Variants in GNL3L observed in about 807,000 individuals in gnomAD.
GNL3L encodes guanine nucleotide-binding protein-like 3-like protein.
Under a neutral mutation model 42.9 loss-of-function variants are expected in GNL3L, and 4 were observed. The observed-to-expected ratio is 0.09, with a 90% CI of 0.05 to 0.21. The LOEUF (loss-of-function observed/expected upper bound fraction) is 0.21, where lower values mean the gene tolerates loss of function less well. Among genes scored for constraint, GNL3L ranks in the 10% least tolerant of loss-of-function variants. GNL3L has a pLI of 1.00. For synonymous variants in GNL3L, 159 were observed against 176.3 expected (o/e 0.90, Z 0.78); for missense variants, 412 against 481.7 (o/e 0.86, Z 1.36).
chrX:54,573,824 A>G (rs1925595152), intron 16 of GNL3L, among the ~76,000 whole-genome samples: 1 of 105,741 alleles, frequency 9.5e-6, no homozygotes, highest in Non-Finnish European at 1.9e-5. Context: ...AGCTTTGTTG[A>G]TTATTCTCAT....
At chrX:54,580,709 G>A (rs1278346288) in intron 16 of GNL3L, among the ~76,000 whole-genome samples, 2 of 112,070 alleles carry the variant, frequency 1.8e-5, no homozygotes, top group East Asian at 2.8e-4. Context: ...GTGTGAGATG[G>A]TATCTCATTG....
downstream of GNL3L, among the ~76,000 whole-genome samples, chrX:54,571,703 T>G (rs1297008763): frequency 9.1e-6 from 1 of 110,481 alleles, no homozygotes; most frequent in African/African-American, 3.3e-5. Context: ...TTATCACTTT[T>G]GAGCAATGTA....
At chrX:54,556,385 G>C (rs1925096481) in intron 14 of GNL3L, among the ~76,000 whole-genome samples, 1 of 110,517 alleles carries the variant, frequency 9.0e-6, no homozygotes, top group South Asian at 3.9e-4. Flanking sequence ...AAGAGCATGG[G>C]GGAGACCACC....
At chrX:54,533,072 A>G (rs1924306244) in intron 2 of GNL3L, among the ~76,000 whole-genome samples, 2 of 112,048 alleles carry the variant, frequency 1.8e-5, no homozygotes, top group Non-Finnish European at 3.8e-5. Context: ...TGTTTCCATT[A>G]TGCCCCATTC....
At chrX:54,551,522 C>T (rs1483687216) in intron 10 of GNL3L, 46 bp from the exon 11 acceptor site, 1 of 1,129,609 alleles carries the variant, frequency 8.9e-7, no homozygotes, top group South Asian at 1.9e-5. Context: ...TGATTGGGGC[C>T]TCTACGATGC....
At chrX:54,546,018 T>A (rs1015519487) in intron 8 of GNL3L, among the ~76,000 whole-genome samples, 2 of 111,684 alleles carry the variant, frequency 1.8e-5, no homozygotes, top group African/African-American at 3.3e-5. Context: ...CAGGCTAATT[T>A]TTATCTTTTT....
At chrX:54,547,556 T>G (rs1294277193) in intron 8 of GNL3L, among the ~76,000 whole-genome samples, 3 of 110,396 alleles carry the variant, frequency 2.7e-5, no homozygotes, top group Non-Finnish European at 5.7e-5. Flanking sequence ...AATACAAAAG[T>G]TAGCCGGGTG....
chrX:54,539,715 T>TG (rs1172512891), intron 3 of GNL3L, among the ~76,000 whole-genome samples: 1 of 111,624 alleles, frequency 9.0e-6, no homozygotes, highest in East Asian at 2.8e-4. Flanking sequence ...TCTAGCAAGT[T>TG]CCCAGGTGCT....
rs112688786 is a variant in GNL3L at position 54,552,315 on chromosome X, C to T, written c.1205C>T (p.Pro402Leu). 5.8e-6 allele frequency: 7 copies of T among 1,204,409 alleles called. No individual in the cohort carries two copies. In the African/African-American group the frequency reaches 8.8e-5, roughly 15 times the overall value. ...AGCGGGAAGATCAGCTTCTATATAC[C>T]ACCACCAGCCACTCACACTCTGCCC... ...WVSGKISFYI[P>L]PPATHTLPTH... Residue 402 changes from proline to leucine, a missense_variant, in exon 13 of 16, where the codon CCA (proline) becomes CTA (leucine). Pro to Leu is a moderately conservative substitution (Grantham distance 98). Transcript: ENST00000360845.
chrX:54,569,448 G>A (rs1162858594), downstream of GNL3L, among the ~76,000 whole-genome samples: 1 of 112,097 alleles, frequency 8.9e-6, no homozygotes, highest in Non-Finnish European at 1.9e-5. Context: ...TTCATTTCAT[G>A]TAGTTTATCA....
chrX:54,568,883 C>T (rs747606449), downstream of GNL3L, among the ~76,000 whole-genome samples: 7 of 112,137 alleles, frequency 6.2e-5, no homozygotes, highest in Admixed American at 9.5e-5. Flanking sequence ...CTTTTCTGAA[C>T]CTCTCTTCCA....
chrX:54,581,252 G>A (rs1179440326), intron 16 of GNL3L, among the ~76,000 whole-genome samples: 1 of 111,666 alleles, frequency 9.0e-6, no homozygotes, highest in Non-Finnish European at 1.9e-5. Flanking sequence ...TTATTTTAGA[G>A]ACAGGATTTC....
Position 54,551,688 on chromosome X carries a change from G to A in GNL3L, c.984G>A (p.Leu328=), listed in dbSNP as rs1377900071. The A allele has an allele frequency of 8.3e-7, 1 of 1,211,551 alleles. No individual in the cohort carries two copies. Among genetic ancestry groups the A allele is most frequent in the East Asian group, 3.0e-5 (1 of 33,828 alleles). The change falls in exon 11 of 16, where the codon CTG becomes CTA. Residue 328 remains leucine, a synonymous_variant. Transcript: ENST00000360845. The part of the protein sequence containing the change: ...ILRNCVHVQK[L]ADPVTPVETI... ...GTAACTGCGTCCACGTGCAGAAGCT[G>A]GCAGACCCTGTGACCCCAGTGGAGA...
At chrX:54,613,796 G>A (rs747744371) in intron 16 of GNL3L, among the ~76,000 whole-genome samples, 1 of 110,782 alleles carries the variant, frequency 9.0e-6, no homozygotes, top group Non-Finnish European at 1.9e-5. Flanking sequence ...GTATACCAGC[G>A]CCTGTTCCTG....
downstream of GNL3L, among the ~76,000 whole-genome samples, chrX:54,567,638 C>T (rs1485710232): frequency 9.6e-6 from 1 of 104,426 alleles, no homozygotes; most frequent in Non-Finnish European, 1.9e-5. Flanking sequence ...AAGAGCGAAA[C>T]TCCATCTCAA....
the GNL3L span, among the ~76,000 whole-genome samples, chrX:54,630,037 G>T: frequency 1.8e-5 from 2 of 110,535 alleles, no homozygotes; most frequent in Admixed American, 1.9e-4. Context: ...TCTAGTTTGT[G>T]CATGTAAAGG....
intron 16 of GNL3L, among the ~76,000 whole-genome samples, chrX:54,599,714 T>A (rs1301854079): frequency 9.0e-6 from 1 of 111,162 alleles, no homozygotes; most frequent in African/African-American, 3.3e-5. Flanking sequence ...CTTGCTATAG[T>A]TCCACAGGTT....
In GNL3L at chrX:54,544,670, G is replaced by A. The variant is rs759478201; in HGVS notation, c.630+344G>A. Among the ~76,000 whole-genome samples, 7 of 109,713 alleles carry A rather than the reference G, an allele frequency of 6.4e-5. No individual in the cohort carries two copies. The South Asian group carries it at 1.6e-3, about 25-fold the overall frequency. On this transcript the variant is annotated intron_variant, in intron 8 of 15. Coordinates refer to ENST00000360845, the MANE Select transcript of GNL3L (RefSeq NM_001184819.2). Reference sequence around the variant, plus strand: ...ATTTTTTTATTTTTAGTAGAGATGGGTTTTGCCATGTTGACCAGGCTGGTC... The same window carrying A: ...ATTTTTTTATTTTTAGTAGAGATGGATTTTGCCATGTTGACCAGGCTGGTC...
chrX:54,535,561 ATAAT>A (rs1335039429), intron 2 of GNL3L, among the ~76,000 whole-genome samples: 3 of 112,166 alleles, frequency 2.7e-5, no homozygotes, highest in East Asian at 2.8e-4. Context: ...TATATCAAAC[ATAAT>A]TAATTCTGTA....
Sources: gnomAD v4.1 joint callset for allele counts (sites outside exome capture counted in the v4.1 genomes callset) on GRCh38, gnomAD v4.1.1 for gene constraint, MANE v1.5 for transcripts, NCBI Gene and HGNC (gene_info 2026-07-23, HGNC 2026-07-21) for gene names.